Variants in TTN observed in about 807,000 individuals in gnomAD.
The protein encoded by TTN is titin, also known as connectin.
In TTN, 1,525 loss-of-function variants were observed where a neutral mutation model predicts 3,223.0. The ratio of observed to expected loss-of-function variants is 0.47; its 90% CI spans 0.45 to 0.49. The LOEUF (loss-of-function observed/expected upper bound fraction) is 0.49. Ranked by LOEUF, TTN falls within the 20% of genes least tolerant of loss-of-function variation. The probability of loss-of-function intolerance (pLI) is 0.00; values close to 1 mark genes in which losing one functional copy is unlikely to be tolerated. For synonymous variants in TTN, 14,094 were observed against 15,161.0 expected, an observed-to-expected ratio of 0.93 and a Z score of 5.17; for missense variants, 40,786 against 43,424.0, an observed-to-expected ratio of 0.94 and a Z score of 5.40.
At chr2:178,751,045 T>C in intron 47 of TTN, 1 of 1,612,728 alleles carries the variant, frequency 6.2e-7, no homozygotes, top group Non-Finnish European at 8.5e-7. Context: ...GTTCCTCAGA[T>C]TCTATATTTT....
intron 106 of TTN, among the ~76,000 whole-genome samples, chr2:178,703,526 G>A (rs1462600380): frequency 6.6e-6 from 1 of 152,126 alleles, no homozygotes; most frequent in East Asian, 1.9e-4. Context: ...GAAAGCAGAT[G>A]CTATTATCAT....
At chr2:178,691,977 T>C (rs765953047) in intron 121 of TTN, 39 bp downstream of exon 121, 3 of 1,562,250 alleles carry the variant, frequency 1.9e-6, no homozygotes, top group Non-Finnish European at 2.6e-6. Context: ...AGGCTGGCAC[T>C]TGGAGCAAAG....
In TTN at chr2:178,590,470, T is replaced by G; in HGVS notation, c.61255A>C (p.Asn20419His). The G allele has an allele frequency of 6.2e-7, 1 of 1,613,176 alleles. No individual in the cohort carries two copies. The highest frequency in any genetic ancestry group is 8.5e-7 in the Non-Finnish European group (1 of 1,179,454). ...ECQKPGTAQW[N>H]RINKDELIRQ... ...ATGAGTTCATCTTTATTAATCCTGT[T>G]CCATTGTGCTGTGCCAGGTTTCTGA... Residue 20419 changes from asparagine (N) to histidine (H), a missense_variant, in exon 304 of 363, where the codon AAC becomes CAC. Transcript: ENST00000589042.
Position 178,531,543 on chromosome 2 carries a change from A to G in TTN, c.105072T>C (p.Ser35024=), listed in dbSNP as rs1450125971. 6.2e-6 allele frequency: 10 copies of G among 1,613,870 alleles called. No individual in the cohort carries two copies. The highest frequency in any genetic ancestry group is 8.5e-6 in the Non-Finnish European group (10 of 1,179,882). The part of the protein sequence containing the change: ...AVCTNYKGEA[S]DYATLDVTGG... Reference sequence around the variant, plus strand: ...CTGTCACGTCCAACGTTGCATAGTCAGAAGCTTCGCCCTTGTAGTTGGTGC... The same window carrying G: ...CTGTCACGTCCAACGTTGCATAGTCGGAAGCTTCGCCCTTGTAGTTGGTGC... The change falls in exon 358 of 363, where the codon TCT becomes TCC. Residue 35024 remains serine, a synonymous_variant. Transcript: ENST00000589042.
At position 178,589,894 on chromosome 2, in the gene TTN, G is replaced by A; in HGVS notation, c.61831C>T (p.Pro20611Ser). ...ITNFIVEYRK[P>S]NQKGWSIVAS... ...ACAATTGACCAGCCTTTCTGGTTTGGTTTGCGATATTCTACTATGAAGTTT... is the reference window on the plus strand; with the variant it reads ...ACAATTGACCAGCCTTTCTGGTTTGATTTGCGATATTCTACTATGAAGTTT... The change falls in exon 304 of 363, where the codon CCA (proline) becomes TCA (serine). Residue 20611 changes from proline (P) to serine (S), a missense_variant. By Grantham distance (74) the Pro-to-Ser change is moderately conservative. Transcript: ENST00000589042. The A allele has an allele frequency of 1.9e-6, 3 of 1,613,288 alleles. No individual in the cohort carries two copies. Among genetic ancestry groups the A allele is most frequent in the Non-Finnish European group, 1.7e-6 (2 of 1,179,550 alleles).
intron 115 of TTN, 96 bp from the exon 116 acceptor site, chr2:178,695,002 A>G: frequency 1.1e-6 from 1 of 891,352 alleles, no homozygotes. Flanking sequence ...GTGTTTATAC[A>G]CACCTATAAG....
rs368527797 is a variant in TTN at position 178,564,323 on chromosome 2, A to G, written c.81809T>C (p.Ile27270Thr). The change falls in exon 326 of 363, where the codon ATT becomes ACT. Residue 27270 changes from isoleucine (I) to threonine (T), a missense_variant. By Grantham distance (89) the Ile-to-Thr change is moderately conservative. Transcript: ENST00000589042. The stretch of plus-strand genomic sequence containing the variant: ...ATCCAGAGAGGCATTTGGTGCATCA[A>G]TTTCATCTCTTGCAGTAATGGCACC... Reference protein sequence around the residue: ...SSGAITARDEIDAPNASLDPK... With the variant: ...SSGAITARDETDAPNASLDPK... 17 of 1,613,662 alleles carry G rather than the reference A, an allele frequency of 1.1e-5. No homozygotes were observed. The highest frequency in any genetic ancestry group is 2.2e-5 in the East Asian group (1 of 44,828).
intron 282 of TTN, 74 bp from the exon 283 acceptor site, chr2:178,602,664 T>C (rs1001263545): frequency 8.1e-6 from 9 of 1,106,806 alleles, no homozygotes; most frequent in Non-Finnish European, 1.1e-5. Flanking sequence ...TTACTACACA[T>C]GATCATATAT....
chr2:178,783,498 A>G (rs774748322), intron 17 of TTN, among the ~76,000 whole-genome samples: 4 of 152,192 alleles, frequency 2.6e-5, no homozygotes, highest in South Asian at 2.1e-4. Flanking sequence ...AGCTCATTAA[A>G]TCTTTTGAAT....
In TTN at chr2:178,547,285, TG is replaced by T; in HGVS notation, c.94239del (p.Arg31414AspfsTer43). On this transcript the variant is annotated frameshift_variant, in exon 340 of 363. Coordinates refer to ENST00000589042, the MANE Select transcript of TTN (RefSeq NM_001267550.2). LOFTEE classifies it high-confidence loss of function. ...EHPFVPPSAP[T>X]RPEVYHVSAN... ...GCAGACACATGGTAGACCTCAGGTC[TG>T]GTAGGAGCGCTTGGTGGGACTAAAT... The T allele has an allele frequency of 6.2e-7, 1 of 1,610,094 alleles. No individual in the cohort carries two copies. The highest frequency in any genetic ancestry group is 8.5e-7 in the Non-Finnish European group (1 of 1,177,502).
rs397517654 is a variant in TTN at position 178,587,677 on chromosome 2, A to G, written c.63632T>C (p.Val21211Ala). ...TTTTCTGACCACATTATCAATGCCA[A>G]CTTTTCGCCAAGTGACTTTAGGGGC... ...RPAPKVTWRKVGIDNVVRKGQ... is the reference protein window; with the variant it reads ...RPAPKVTWRKAGIDNVVRKGQ... The change falls in exon 306 of 363, where the codon GTT (valine) becomes GCT (alanine). Residue 21211 changes from valine to alanine, a missense_variant. Transcript: ENST00000589042. 3 of 1,612,942 alleles carry G rather than the reference A, an allele frequency of 1.9e-6. No homozygotes were observed. The highest frequency in any genetic ancestry group is 2.5e-6 in the Non-Finnish European group (3 of 1,179,414).
At chr2:178,667,754 T>G in intron 159 of TTN, 33 bp from the exon 160 acceptor site, 1 of 1,402,450 alleles carries the variant, frequency 7.1e-7, no homozygotes, top group Non-Finnish European at 9.8e-7. Context: ...ATAATTAGGA[T>G]GTTTCAAGGT....
Position 178,724,147 on chromosome 2 carries a change from T to C in TTN, c.21116-4A>G, listed in dbSNP as rs375874660. The C allele has an allele frequency of 8.1e-6, 13 of 1,607,176 alleles. No individual in the cohort carries two copies. Among genetic ancestry groups the C allele is most frequent in the Non-Finnish European group, 1.1e-5 (13 of 1,175,994 alleles). Reference sequence around the variant, plus strand: ...AAAGAGGGAGGAACTGCTCGGTCTGTGTGAGGAAAGGTAAGAGACTCATCA... The same window carrying C: ...AAAGAGGGAGGAACTGCTCGGTCTGCGTGAGGAAAGGTAAGAGACTCATCA... On this transcript the variant is annotated splice_region_variant and splice_polypyrimidine_tract_variant and intron_variant, in intron 72 of 362. Transcript: ENST00000589042.
chr2:178,596,500 G>A (rs2051664347), intron 294 of TTN, among the ~76,000 whole-genome samples: 1 of 152,040 alleles, frequency 6.6e-6, no homozygotes, highest in Non-Finnish European at 1.5e-5. Context: ...GAAACGGAGA[G>A]AGAGATGGTT....
chr2:178,695,292 AAGCC>A (rs2073440541), intron 115 of TTN, 52 bp downstream of exon 115: 10 of 1,406,054 alleles, frequency 7.1e-6, no homozygotes, highest in Non-Finnish European at 1.0e-5. Context: ...GCTGCCAAAC[AAGCC>A]ATGATAATGA....
rs797046068 is a variant in TTN at position 178,535,002 on chromosome 2, C to A, written c.101613G>T (p.Arg33871Ser). 11 of 1,613,794 alleles carry A rather than the reference C, an allele frequency of 6.8e-6. No individual in the cohort carries two copies. Among genetic ancestry groups the A allele is most frequent in the Non-Finnish European group, 9.3e-6 (11 of 1,179,846 alleles). ...KKEISILNIA[R>S]HRNILHLHES... ...CATGGAGGTGTAAGATGTTTCTATGCCTAGCAATATTCAGAATGGAAATTT... is the reference window on the plus strand; with the variant it reads ...CATGGAGGTGTAAGATGTTTCTATGACTAGCAATATTCAGAATGGAAATTT... Residue 33871 changes from arginine to serine, a missense_variant, in exon 358 of 363, where the codon AGG (arginine) becomes AGT (serine). Transcript: ENST00000589042.
At chr2:178,800,026 A>C in intron 4 of TTN, 116 bp from the exon 5 acceptor site, 1 of 1,147,462 alleles carries the variant, frequency 8.7e-7, no homozygotes, top group Non-Finnish European at 1.2e-6. Flanking sequence ...CAATGGAGAA[A>C]ATTGCAGAAA....
Position 178,612,091 on chromosome 2 carries a change from G to C in TTN, c.50320C>G (p.Pro16774Ala). The C allele has an allele frequency of 6.2e-7, 1 of 1,611,710 alleles. No homozygotes were observed. The highest frequency in any genetic ancestry group is 8.5e-7 in the Non-Finnish European group (1 of 1,178,854). ...TKRHVDLKWE[P>A]PKNDGGRPIQ... Reference sequence around the variant, plus strand: ...GGTCTTCCACCATCATTTTTAGGTGGCTCCCACTTTAGGTCAACATGTCGT... The same window carrying C: ...GGTCTTCCACCATCATTTTTAGGTGCCTCCCACTTTAGGTCAACATGTCGT... The change falls in exon 267 of 363, where the codon CCA (proline) becomes GCA (alanine). Residue 16774 changes from proline (P) to alanine (A), a missense_variant. Pro to Ala is a conservative substitution (Grantham distance 27). Coordinates refer to ENST00000589042, the MANE Select transcript of TTN (RefSeq NM_001267550.2).
At chr2:178,588,437 G>T (rs2049515637) in intron 304 of TTN, 101 bp downstream of exon 304, 2 of 1,330,910 alleles carry the variant, frequency 1.5e-6, no homozygotes, top group East Asian at 4.8e-5. Flanking sequence ...AATACAGTTT[G>T]GATGTTACAG....
Sources: gnomAD v4.1 joint callset for allele counts (sites outside exome capture counted in the v4.1 genomes callset) on GRCh38, gnomAD v4.1.1 for gene constraint, MANE v1.5 for transcripts, NCBI Gene and HGNC (gene_info 2026-07-23, HGNC 2026-07-21) for gene names.